The following PCDHGA4 variants were observed in gnomAD, a reference collection of about 807,000 sequenced individuals.
The protein encoded by PCDHGA4 is protocadherin gamma-A4.
Under a neutral mutation model 54.6 loss-of-function variants are expected in PCDHGA4, and 38 were observed. The observed-to-expected ratio is 0.70, with a 90% CI of 0.54 to 0.91. The LOEUF is 0.91. Among genes scored for constraint, PCDHGA4 ranks in the 40% least tolerant of loss-of-function variants. PCDHGA4 has a pLI of 0.00. For missense variants in PCDHGA4, 1,298 were observed against 1,220.9 expected (o/e 1.06, Z -0.94); for synonymous variants, 511 against 512.9 (o/e 1.00, Z 0.05).
rs1464357405 is a variant in PCDHGA4 at position 141,476,385 on chromosome 5, A to G, written c.2515-18422A>G. On this transcript the variant is annotated intron_variant, in intron 1 of 3. Coordinates refer to ENST00000571252, the MANE Select transcript of PCDHGA4 (RefSeq NM_018917.4). The surrounding 1 kb of genome is among the most constrained non-coding windows in gnomAD (Gnocchi z 7.6). ...GAGACCGGAGAGATGTTTGTGAACG[A>G]CCGTCTGGATCGAGAGGAGCTGTGT... The G allele has an allele frequency of 4.3e-6, 7 of 1,614,062 alleles. No homozygotes were observed. The highest frequency in any genetic ancestry group is 5.9e-6 in the Non-Finnish European group (7 of 1,180,020).
rs530114356 is a variant in PCDHGA4, at chr5:141,357,088, C to A, written c.1981C>A (p.Arg661=). The A allele has an allele frequency of 1.2e-6, 2 of 1,613,782 alleles. No homozygotes were observed. The highest frequency in any genetic ancestry group is 1.7e-5 in the Admixed American group (1 of 60,008). The change falls in exon 1 of 4, where the codon CGG becomes AGG. Residue 661 remains arginine, a synonymous_variant. Transcript: ENST00000571252. ...GCACACAGGCGAGGTGCGCACCGCA[C>A]GGGCCCTGCTGGACAGAGACGCGCT... is the stretch of plus-strand genomic sequence containing the variant. The part of the protein sequence containing the change: ...GLHTGEVRTA[R]ALLDRDALKQ...
chr5:141,432,421 C>T lies in PCDHGA4; in HGVS notation c.2515-62386C>T, dbSNP rs771647620. 10 of 1,614,126 alleles carry T rather than the reference C, an allele frequency of 6.2e-6. No homozygotes were observed. In the African/African-American group the frequency reaches 1.2e-4, roughly 19 times the overall value. ...TGTCGTTGAGCCTGTTCGTGCTGGA[C>T]CAGAACGACAATGCGCCCGAGATCC... On this transcript the variant is annotated intron_variant, in intron 1 of 3. Transcript: ENST00000571252. This position sits in a 1 kb window ranked among gnomAD's most constrained non-coding sequence, Gnocchi z 6.0.
At position 141,384,946 on chromosome 5, in the gene PCDHGA4, G is replaced by A. The variant is rs749521895; in HGVS notation, c.2514+27325G>A. The A allele has an allele frequency of 1.2e-5, 19 of 1,613,924 alleles. No individual in the cohort carries two copies. Among genetic ancestry groups the A allele is most frequent in the Non-Finnish European group, 1.4e-5 (17 of 1,180,030 alleles). On this transcript the variant is annotated intron_variant, in intron 1 of 3. Transcript: ENST00000571252. ...CCTGGGCAGCCTTGAGCCCTCCGACGGTCCTTACAACTATGACCTCACGTT... is the reference window on the plus strand; with the variant it reads ...CCTGGGCAGCCTTGAGCCCTCCGACAGTCCTTACAACTATGACCTCACGTT...
intron 1 of PCDHGA4, chr5:141,419,864 C>A (rs1282571542): frequency 6.2e-7 from 1 of 1,613,966 alleles, no homozygotes; most frequent in Non-Finnish European, 8.5e-7. Context: ...AGATAGCTTG[C>A]AAGAGGTACT....
chr5:141,409,087 T>C (rs753624565), intron 1 of PCDHGA4: 1 of 1,613,990 alleles, frequency 6.2e-7, no homozygotes, highest in Admixed American at 1.7e-5. Flanking sequence ...TCTCATTGGA[T>C]GAGAAAACAG....
At position 141,477,263 on chromosome 5, in the gene PCDHGA4, G is replaced by C. The variant is rs543767777; in HGVS notation, c.2515-17544G>C. ...CAGTGTGACTGACCTGGATGCTGGC[G>C]AGAACGGGCTGGTGACCTGCGAAGT... On this transcript the variant is annotated intron_variant, in intron 1 of 3. Coordinates refer to ENST00000571252, the MANE Select transcript of PCDHGA4 (RefSeq NM_018917.4). The surrounding 1 kb of genome is among the most constrained non-coding windows in gnomAD (Gnocchi z 4.9). The C allele has an allele frequency of 6.2e-7, 1 of 1,614,192 alleles. No individual in the cohort carries two copies. The highest frequency in any genetic ancestry group is 1.3e-5 in the African/African-American group (1 of 75,058).
chr5:141,442,119 C>T (rs563017984), intron 1 of PCDHGA4: 1 of 166,262 alleles, frequency 6.0e-6, no homozygotes, highest in African/African-American at 2.4e-5. Context: ...CCCCTCGTCG[C>T]CGACAGCCTG....
chr5:141,493,784 T>A lies in PCDHGA4; in HGVS notation c.2515-1023T>A, dbSNP rs1368708028. ...AGCCACTGGCAGTTCCGGAGCTTCC[T>A]TCTCCCTGGAGTAATCTGAGATACT... On this transcript the variant is annotated intron_variant, in intron 1 of 3. Coordinates refer to ENST00000571252, the MANE Select transcript of PCDHGA4 (RefSeq NM_018917.4). This position sits in a 1 kb window ranked among gnomAD's most constrained non-coding sequence, Gnocchi z 4.3. 1.3e-5 allele frequency among the ~76,000 whole-genome samples: 2 copies of A among 152,194 alleles called. No individual in the cohort carries two copies. Among genetic ancestry groups the A allele is most frequent in the Non-Finnish European group, 2.9e-5 (2 of 68,032 alleles).
intron 1 of PCDHGA4, among the ~76,000 whole-genome samples, chr5:141,462,269 T>C (rs2099036247): frequency 6.6e-6 from 1 of 152,230 alleles, no homozygotes; most frequent in Admixed American, 6.5e-5. Context: ...CTAAAGTGTA[T>C]TGTTTAGTCA....
chr5:141,370,789 C>A (rs796186624), intron 1 of PCDHGA4: 4 of 1,613,906 alleles, frequency 2.5e-6, no homozygotes, highest in Non-Finnish European at 3.4e-6. Context: ...AACCCACCGA[C>A]CTTTAGCCAA....
At chr5:141,380,678 T>C (rs1387633000) in intron 1 of PCDHGA4, among the ~76,000 whole-genome samples, 3 of 152,250 alleles carry the variant, frequency 2.0e-5, no homozygotes, top group Non-Finnish European at 4.4e-5. Flanking sequence ...AGGGTATGTA[T>C]GCTTTGTGTT....
intron 1 of PCDHGA4, chr5:141,404,268 C>A (rs1334326806): frequency 1.2e-6 from 2 of 1,613,860 alleles, no homozygotes; most frequent in African/African-American, 2.7e-5. Context: ...ATTCACATCA[C>A]CCTGCAAGTG....
chr5:141,395,248 T>A, intron 1 of PCDHGA4: 1 of 1,561,360 alleles, frequency 6.4e-7, no homozygotes, highest in Non-Finnish European at 8.7e-7. Flanking sequence ...GTGAGTTTAG[T>A]TCTTTGCTTG....
At chr5:141,385,098 G>A (rs1175088584) in intron 1 of PCDHGA4, 2 of 1,614,080 alleles carry the variant, frequency 1.2e-6, no homozygotes, top group Non-Finnish European at 1.7e-6. Flanking sequence ...GTGGCTTGGC[G>A]AACGTGCCCA....
intron 1 of PCDHGA4, chr5:141,382,648 G>A (rs1561591657): frequency 2.5e-6 from 1 of 403,370 alleles, no homozygotes; most frequent in Non-Finnish European, 4.4e-6. Flanking sequence ...CAGTAACTTA[G>A]TAAGGACTCA....
At chr5:141,484,287 C>T (rs1432341538) in intron 1 of PCDHGA4, among the ~76,000 whole-genome samples, 1 of 152,268 alleles carries the variant, frequency 6.6e-6, no homozygotes, top group Non-Finnish European at 1.5e-5. Context: ...GAAACATCTC[C>T]CTCTCCTGGC....
chr5:141,428,110 C>G (rs917739943), intron 1 of PCDHGA4: 11 of 1,607,538 alleles, frequency 6.8e-6, no homozygotes, highest in Middle Eastern at 3.4e-4. Context: ...GTGCTGCAGG[C>G]CATCGAGCCC....
chr5:141,432,088 AGACACCAAC>A lies in PCDHGA4; in HGVS notation c.2515-62714_2515-62706del, dbSNP rs1561857611. 6.2e-7 allele frequency: 1 copy of A among 1,614,148 alleles called. No individual in the cohort carries two copies. Among genetic ancestry groups the A allele is most frequent in the Admixed American group, 1.7e-5 (1 of 60,024 alleles). ...AAACTCATATCTCGCTGAACGTGGC[AGACACCAAC>A]GACAACCCGCCGGTCTTCCCTCAGG... is the stretch of plus-strand genomic sequence containing the variant. On this transcript the variant is annotated intron_variant, in intron 1 of 3. Transcript: ENST00000571252. This position sits in a 1 kb window ranked among gnomAD's most constrained non-coding sequence, Gnocchi z 6.0.
intron 1 of PCDHGA4, among the ~76,000 whole-genome samples, chr5:141,467,017 C>T (rs1036255706): frequency 4.0e-5 from 6 of 151,156 alleles, no homozygotes; most frequent in African/African-American, 1.5e-4. Context: ...AATTTTTTTC[C>T]CTTTGTTTTT....
Sources: allele counts gnomAD v4.1 joint callset (sites outside exome capture counted in the v4.1 genomes callset), GRCh38; gene constraint gnomAD v4.1.1; non-coding constraint Gnocchi (gnomAD v3.1); transcripts MANE v1.5; gene names NCBI Gene and HGNC (gene_info 2026-07-23, HGNC 2026-07-21).